CCDC42: variants seen among roughly 807,000 people sequenced by gnomAD.
The protein encoded by CCDC42 is coiled-coil domain containing 42.
In CCDC42, 38 loss-of-function variants were observed where a neutral mutation model predicts 40.8. The observed-to-expected ratio is 0.93, with a 90% confidence interval of 0.72 to 1.22. CCDC42 has a LOEUF of 1.22. Among genes scored for constraint, CCDC42 ranks in the 50% most tolerant of loss-of-function variants. The pLI is 0.00. For synonymous variants in CCDC42, 135 were observed against 157.5 expected, an observed-to-expected ratio of 0.86 and a Z score of 1.07; for missense variants, 379 against 416.5, an observed-to-expected ratio of 0.91 and a Z score of 0.78.
chr17:8,736,507 C>T (rs1169937228), intron 4 of CCDC42, among the ~76,000 whole-genome samples: 1 of 152,246 alleles, frequency 6.6e-6, no homozygotes, highest in Non-Finnish European at 1.5e-5. Flanking sequence ...TTCTGTGATA[C>T]CAAGTTGCCT....
intron 6 of CCDC42, among the ~76,000 whole-genome samples, chr17:8,734,322 G>A (rs2086597397): frequency 1.3e-5 from 2 of 152,182 alleles, no homozygotes; most frequent in South Asian, 2.1e-4. Flanking sequence ...CTCTAGGAGT[G>A]TAAAGGTGAA....
Position 8,730,066 on chromosome 17 carries a change from G to T in CCDC42, c.*64C>A. Reference sequence around the variant, plus strand: ...GGTCCCGAGCTGGACTGACTGGACCGCAGGCTCACGACTTCTTCTTTCACG... The same window carrying T: ...GGTCCCGAGCTGGACTGACTGGACCTCAGGCTCACGACTTCTTCTTTCACG... On this transcript the variant is annotated 3_prime_UTR_variant, in exon 7 of 7. Coordinates refer to ENST00000293845, the MANE Select transcript of CCDC42 (RefSeq NM_144681.3). 2 of 1,488,302 alleles carry T rather than the reference G, an allele frequency of 1.3e-6. No individual in the cohort carries two copies. The highest frequency in any genetic ancestry group is 9.3e-7 in the Non-Finnish European group (1 of 1,070,466). The allele number at this position is 1,488,302 out of a possible 1,614,324, so 92.2% of individuals were successfully genotyped here. A position where few individuals can be genotyped will look rare whatever the true frequency, so the allele number is the denominator to read the frequency against.
intron 4 of CCDC42, among the ~76,000 whole-genome samples, chr17:8,736,392 C>T (rs954753558): frequency 1.3e-5 from 2 of 152,208 alleles, no homozygotes; most frequent in African/African-American, 4.8e-5. Flanking sequence ...TCACCTCCCC[C>T]AGCCTGGTCC....
chr17:8,730,957 A>G (rs530287441), intron 6 of CCDC42, among the ~76,000 whole-genome samples: 2 of 152,274 alleles, frequency 1.3e-5, no homozygotes, highest in East Asian at 3.9e-4. Context: ...CATCATGATA[A>G]CCTTGAGTCA....
intron 4 of CCDC42, among the ~76,000 whole-genome samples, chr17:8,736,258 G>C (rs1597344712): frequency 6.6e-6 from 1 of 152,200 alleles, no homozygotes; most frequent in Non-Finnish European, 1.5e-5. Context: ...ATGACTGGGG[G>C]ATAGGGCTGG....
At chr17:8,743,998 G>T in intron 2 of CCDC42, 81 bp downstream of exon 2, 3 of 1,109,932 alleles carry the variant, frequency 2.7e-6, no homozygotes, top group Non-Finnish European at 4.0e-6. Flanking sequence ...AGACAATGGA[G>T]GGCTGTCCAC....
In CCDC42 at chr17:8,735,551, G is replaced by GCAT. The variant is rs2152142793; in HGVS notation, c.552_553insATG (p.Asp184_Leu185insMet). The GCAT allele has an allele frequency of 1.9e-6, 3 of 1,614,120 alleles. No homozygotes were observed. The East Asian group carries it at 6.7e-5, about 36-fold the overall frequency. ...TGGCCTTCCTGCGCAGACTGCATGA[G>GCAT]GTCGTGGCGCATGCTCACCAGCGTC... On this transcript the variant is annotated inframe_insertion, in exon 5 of 7. Coordinates refer to ENST00000293845, the MANE Select transcript of CCDC42 (RefSeq NM_144681.3). The surrounding 1 kb of genome is among the most constrained non-coding windows in gnomAD (Gnocchi z 4.7).
At chr17:8,742,325 G>A (rs1597346824) in intron 3 of CCDC42, among the ~76,000 whole-genome samples, 1 of 152,196 alleles carries the variant, frequency 6.6e-6, no homozygotes, top group African/African-American at 2.4e-5. Context: ...GATGAGAGAG[G>A]AGATGTGCCT....
In CCDC42 at chr17:8,730,357, G is replaced by A; in HGVS notation, c.874-150C>T. On this transcript the variant is annotated intron_variant, in intron 6 of 6. Coordinates refer to ENST00000293845, the MANE Select transcript of CCDC42 (RefSeq NM_144681.3). ...TAAATTTTTATTTATTTATTTTTTT[G>A]ATACAAGAGTCTTGCTCTGTCACCC... is the stretch of plus-strand genomic sequence containing the variant. 5.2e-6 allele frequency: 3 copies of A among 579,048 alleles called. No homozygotes were observed. The Admixed American group carries it at 1.0e-4, about 20-fold the overall frequency. 35.9% of individuals were successfully genotyped at this position (579,048 alleles called of 1,614,324 possible).
rs1348298616 is a variant in CCDC42, at chr17:8,735,458, G to C, written c.646C>G (p.Gln216Glu). 6.2e-7 allele frequency: 1 copy of C among 1,614,062 alleles called. No homozygotes were observed. The highest frequency in any genetic ancestry group is 1.1e-5 in the South Asian group (1 of 91,084). ...YMEEKDDEIL[Q>E]QNNELARLQM... is the part of the protein sequence containing the mutation. ...AGCCTTGCCAGCTCATTGTTTTGCTGCAGGATCTCATCATCCTTTTCCTCC... is the reference window on the plus strand; with the variant it reads ...AGCCTTGCCAGCTCATTGTTTTGCTCCAGGATCTCATCATCCTTTTCCTCC... The change falls in exon 5 of 7, where the codon CAG becomes GAG. Residue 216 changes from glutamine (Q) to glutamate (E), a missense_variant. Coordinates refer to ENST00000293845, the MANE Select transcript of CCDC42 (RefSeq NM_144681.3). The surrounding 1 kb of genome is among the most constrained non-coding windows in gnomAD (Gnocchi z 4.7).
chr17:8,730,355 T>C, intron 6 of CCDC42, 148 bp from the exon 7 acceptor site: 1 of 584,498 alleles, frequency 1.7e-6, no homozygotes, highest in East Asian at 3.1e-5. Context: ...ATTTATTTTT[T>C]TGATACAAGA....
intron 6 of CCDC42, among the ~76,000 whole-genome samples, chr17:8,733,367 G>A (rs2086591810): frequency 2.0e-5 from 3 of 152,232 alleles, no homozygotes; most frequent in Admixed American, 1.3e-4. Flanking sequence ...GCAATCTGAA[G>A]TTCTCCTGTA....
chr17:8,740,817 G>A (rs1256316263), intron 4 of CCDC42, among the ~76,000 whole-genome samples: 1 of 152,138 alleles, frequency 6.6e-6, no homozygotes, highest in Non-Finnish European at 1.5e-5. Context: ...CCCCACTGAC[G>A]AGCTGCGAGA....
chr17:8,737,021 GAA>G (rs1351915630), intron 4 of CCDC42, among the ~76,000 whole-genome samples: 2 of 48,544 alleles, frequency 4.1e-5, no homozygotes, highest in African/African-American at 1.2e-4. Context: ...AAGAAAAAAA[GAA>G]AAGAAGAGGG....
At chr17:8,732,474 A>G (rs2086587432) in intron 6 of CCDC42, among the ~76,000 whole-genome samples, 1 of 152,202 alleles carries the variant, frequency 6.6e-6, no homozygotes, top group South Asian at 2.1e-4. Flanking sequence ...TACTGTTACC[A>G]TTACCAATAT....
At chr17:8,741,156 A>G (rs1489552356) in intron 4 of CCDC42, among the ~76,000 whole-genome samples, 1 of 152,212 alleles carries the variant, frequency 6.6e-6, no homozygotes, top group African/African-American at 2.4e-5. Context: ...ACACATGCAG[A>G]CATAGACACG....
chr17:8,744,564 G>T lies in CCDC42; in HGVS notation c.46C>A (p.Arg16=), dbSNP rs7221644. ...MEEEDLAEYF[R]LQYGERLLQM... Reference sequence around the variant, plus strand: ...AGCAGCCGCTCCCCATACTGCAGCCGGAAGTACTCGGCCAGGTCTTCCTCT... The same window carrying T: ...AGCAGCCGCTCCCCATACTGCAGCCTGAAGTACTCGGCCAGGTCTTCCTCT... The change falls in exon 1 of 7, where the codon CGG becomes AGG. Residue 16 remains arginine, a synonymous_variant. Transcript: ENST00000293845. 1.4e-4 allele frequency: 221 copies of T among 1,612,594 alleles called. No individual in the cohort carries two copies. In the African/African-American group the frequency reaches 2.4e-3, roughly 17 times the overall value.
At position 8,735,509 on chromosome 17, in the gene CCDC42, C is replaced by A. The variant is rs141192837; in HGVS notation, c.595G>T (p.Ala199Ser). ...AQEGQEKIER[A>S]KARLARYMEE... ...ATGTAGCGCGCCAGCCGGGCCTTGG[C>A]GCGCTCAATCTTCTCCTGGCCTTCC... is the stretch of plus-strand genomic sequence containing the variant. Residue 199 changes from alanine (A) to serine (S), a missense_variant, in exon 5 of 7, where the codon GCC (alanine) becomes TCC (serine). Coordinates refer to ENST00000293845, the MANE Select transcript of CCDC42 (RefSeq NM_144681.3). This position sits in a 1 kb window ranked among gnomAD's most constrained non-coding sequence, Gnocchi z 4.7. The A allele has an allele frequency of 3.8e-5, 61 of 1,613,958 alleles. 1 individual carries two copies. Among genetic ancestry groups the A allele is most frequent in the Non-Finnish European group, 5.0e-5 (59 of 1,180,036 alleles).
intron 6 of CCDC42, among the ~76,000 whole-genome samples, chr17:8,731,772 G>A (rs868448400): frequency 2.6e-5 from 4 of 152,204 alleles, no homozygotes; most frequent in Admixed American, 6.5e-5. Flanking sequence ...TGGGAGGAGG[G>A]AGAGGATCAG....
Sources: allele counts gnomAD v4.1 joint callset (sites outside exome capture counted in the v4.1 genomes callset), GRCh38; gene constraint gnomAD v4.1.1; non-coding constraint Gnocchi (gnomAD v3.1); transcripts MANE v1.5; gene names NCBI Gene and HGNC (gene_info 2026-07-23, HGNC 2026-07-21).